PSTPIP2: variants seen among roughly 807,000 people sequenced by gnomAD.
The protein encoded by PSTPIP2 is proline-serine-threonine phosphatase-interacting protein 2.
PSTPIP2 carries 33 observed loss-of-function variants against 63.3 expected under a neutral mutation model. The ratio of observed to expected loss-of-function variants is 0.52; its 90% CI spans 0.40 to 0.70. PSTPIP2 has a LOEUF of 0.70. Ranked by LOEUF, PSTPIP2 falls within the 30% of genes least tolerant of loss-of-function variation. The pLI, the probability that PSTPIP2 is intolerant of heterozygous loss-of-function variation, is 0.00. For missense variants in PSTPIP2, 312 were observed against 400.7 expected (o/e 0.78, Z 1.89); for synonymous variants, 125 against 132.7 (o/e 0.94, Z 0.40).
At chr18:46,010,650 G>A (rs1170510814) in intron 5 of PSTPIP2, 2 of 152,664 alleles carry the variant, frequency 1.3e-5, no homozygotes, top group Non-Finnish European at 2.9e-5. Flanking sequence ...CATGTAGTTG[G>A]TCAGAGTAAA....
chr18:46,051,587 G>T (rs774283119), intron 1 of PSTPIP2, among the ~76,000 whole-genome samples: 1 of 152,134 alleles, frequency 6.6e-6, no homozygotes, highest in Non-Finnish European at 1.5e-5. Context: ...TAACATAGAA[G>T]GCATAAGAGT....
At chr18:46,066,582 C>G (rs1909197204) in intron 1 of PSTPIP2, among the ~76,000 whole-genome samples, 1 of 152,182 alleles carries the variant, frequency 6.6e-6, no homozygotes, top group African/African-American at 2.4e-5. Context: ...CCGTTGGTCA[C>G]AAGGTCTCTC....
intron 9 of PSTPIP2, among the ~76,000 whole-genome samples, chr18:45,996,001 A>T (rs2051590465): frequency 6.6e-6 from 1 of 152,124 alleles, no homozygotes; most frequent in Non-Finnish European, 1.5e-5. Context: ...TTTTTAGTAG[A>T]GACTGGGTTT....
intron 1 of PSTPIP2, among the ~76,000 whole-genome samples, chr18:46,068,968 CCCTAGTCAAT>C (rs1458963086): frequency 3.3e-5 from 5 of 152,068 alleles, no homozygotes; most frequent in Admixed American, 2.0e-4. Flanking sequence ...CCAAGACTTT[CCCTAGTCAAT>C]CCCAGGCAGA....
At chr18:46,043,224 TAAAAAAAA>T (rs34454812) in intron 1 of PSTPIP2, among the ~76,000 whole-genome samples, 1 of 77,316 alleles carries the variant, frequency 1.3e-5, no homozygotes, top group South Asian at 4.8e-4. Context: ...CACCTCTCCT[TAAAAAAAA>T]AAAAAAAAAA....
intron 1 of PSTPIP2, among the ~76,000 whole-genome samples, chr18:46,064,875 T>C (rs1260297528): frequency 6.6e-6 from 1 of 151,826 alleles, no homozygotes; most frequent in East Asian, 1.9e-4. Context: ...CCGGGTGCGG[T>C]GGCTTATGCC....
At chr18:46,053,079 G>A (rs974706511) in intron 1 of PSTPIP2, among the ~76,000 whole-genome samples, 8 of 151,948 alleles carry the variant, frequency 5.3e-5, no homozygotes, top group Non-Finnish European at 1.0e-4. Flanking sequence ...CTTTGCCTCC[G>A]ATAAGTAACA....
chr18:46,024,902 G>A (rs1907523139), intron 2 of PSTPIP2, among the ~76,000 whole-genome samples: 1 of 152,210 alleles, frequency 6.6e-6, no homozygotes, highest in Non-Finnish European at 1.5e-5. Context: ...CCAGCTGGAA[G>A]TCCCTAACAT....
At chr18:46,049,841 C>T (rs780190802) in intron 1 of PSTPIP2, among the ~76,000 whole-genome samples, 7 of 152,002 alleles carry the variant, frequency 4.6e-5, no homozygotes, top group East Asian at 3.9e-4. Flanking sequence ...GATCACGCCA[C>T]GGCACTCCAG....
chr18:46,023,279 C>T (rs991438852), intron 3 of PSTPIP2, among the ~76,000 whole-genome samples: 3 of 151,972 alleles, frequency 2.0e-5, no homozygotes, highest in Admixed American at 6.6e-5. Context: ...AAAGTTTTTT[C>T]GCCGGGCATG....
rs563335354 is a variant in PSTPIP2, at chr18:46,050,667, C to A, written c.34-10620G>T. The stretch of plus-strand genomic sequence containing the variant: ...TACAATCACATGATGGAAAACTGAA[C>A]AGATATTAGAACAAAGCAGAATTGT... On this transcript the variant is annotated intron_variant, in intron 1 of 14. Transcript: ENST00000409746. Among the ~76,000 whole-genome samples, 546 of 152,082 alleles carry A rather than the reference C, an allele frequency of 3.6e-3. 4 individuals are homozygous for A. Among genetic ancestry groups the A allele is most frequent in the African/African-American group, 0.012 (499 of 41,480 alleles).
chr18:46,009,449 A>G (rs563361466), intron 5 of PSTPIP2, among the ~76,000 whole-genome samples: 25 of 151,044 alleles, frequency 1.7e-4, no homozygotes, highest in African/African-American at 5.3e-4. Context: ...AGTAATTACA[A>G]TTTTATTAAT....
intron 1 of PSTPIP2, among the ~76,000 whole-genome samples, chr18:46,064,824 G>A (rs1909122967): frequency 6.6e-6 from 1 of 151,998 alleles, no homozygotes; most frequent in Non-Finnish European, 1.5e-5. Context: ...TACCTTACAC[G>A]AATGACATGC....
intron 14 of PSTPIP2, 81 bp downstream of exon 14, chr18:45,988,621 T>A (rs1171140626): frequency 1.6e-6 from 2 of 1,256,802 alleles, no homozygotes; most frequent in Middle Eastern, 1.9e-4. Flanking sequence ...GTGGTAGTGT[T>A]ATAAATAAGG....
chr18:46,037,955 G>A (rs529020081), intron 2 of PSTPIP2, among the ~76,000 whole-genome samples: 35 of 152,206 alleles, frequency 2.3e-4, no homozygotes, highest in African/African-American at 7.0e-4. Context: ...TTTGTGAATC[G>A]TTTTTAAAAG....
At chr18:45,992,845 C>T (rs928198779) in intron 10 of PSTPIP2, among the ~76,000 whole-genome samples, 1 of 152,112 alleles carries the variant, frequency 6.6e-6, no homozygotes, top group Non-Finnish European at 1.5e-5. Flanking sequence ...GCCTCAGCCT[C>T]CCAAGTAGCT....
At chr18:45,988,058 C>T (rs1447799259) in intron 14 of PSTPIP2, among the ~76,000 whole-genome samples, 1 of 152,086 alleles carries the variant, frequency 6.6e-6, no homozygotes, top group Non-Finnish European at 1.5e-5. Flanking sequence ...ATTACTTTAA[C>T]AGTGAGGATG....
intron 1 of PSTPIP2, among the ~76,000 whole-genome samples, chr18:46,068,324 T>C (rs903538231): frequency 4.6e-5 from 7 of 151,812 alleles, no homozygotes; most frequent in Non-Finnish European, 8.8e-5. Flanking sequence ...TTGAGACAGA[T>C]TCTCGCTCTG....
intron 6 of PSTPIP2, among the ~76,000 whole-genome samples, chr18:46,002,491 C>A (rs2051678172): frequency 6.6e-6 from 1 of 152,132 alleles, no homozygotes; most frequent in African/African-American, 2.4e-5. Flanking sequence ...TTAACCAATT[C>A]TTTCTTCTGT....
Sources: gnomAD v4.1 joint callset for allele counts (sites outside exome capture counted in the v4.1 genomes callset) on GRCh38, gnomAD v4.1.1 for gene constraint, MANE v1.5 for transcripts, NCBI Gene and HGNC (gene_info 2026-07-23, HGNC 2026-07-21) for gene names.